The following RAB44 variants were observed in gnomAD, a reference collection of about 807,000 sequenced individuals.
RAB44 encodes ras-related protein Rab-44.
Under a neutral mutation model 93.3 loss-of-function variants are expected in RAB44, and 67 were observed. That is an observed-to-expected ratio of 0.72 (90% CI 0.59 to 0.88). The LOEUF is 0.88. RAB44 is among the 40% of genes least tolerant of loss of function. RAB44 has a pLI of 0.00. For missense variants in RAB44, 1,064 were observed against 1,261.7 expected (o/e 0.84, Z 2.37); for synonymous variants, 427 against 520.3 (o/e 0.82, Z 2.44).
chr6:36,705,999 A>G (rs1025232791), intron 2 of RAB44, among the ~76,000 whole-genome samples: 1 of 151,938 alleles, frequency 6.6e-6, no homozygotes, highest in Non-Finnish European at 1.5e-5. Context: ...TCCTGGGCTG[A>G]AGCGATTCTC....
Position 36,732,370 on chromosome 6 carries a change from A to T in RAB44, c.*277A>T. On this transcript the variant is annotated 3_prime_UTR_variant, in exon 14 of 14. Coordinates refer to ENST00000612677, the MANE Select transcript of RAB44 (RefSeq NM_001257357.2). ...TAGAAAAACGACTTAAGGAAAATAC[A>T]CCAAAATATTGGCCGCACATCTGTG... The T allele has an allele frequency of 4.9e-6, 1 of 205,738 alleles. No homozygotes were observed. 12.7% of individuals were successfully genotyped at this position (205,738 alleles called of 1,614,324 possible). A position where few individuals can be genotyped will look rare whatever the true frequency, so the allele number is the denominator to read the frequency against.
At chr6:36,705,638 CT>C (rs1762631490) in intron 2 of RAB44, among the ~76,000 whole-genome samples, 1 of 152,126 alleles carries the variant, frequency 6.6e-6, no homozygotes, top group South Asian at 2.1e-4. Context: ...CTGCCTCAGC[CT>C]CCCAAAGTGC....
At chr6:36,730,787 C>A (rs1464116630) in intron 13 of RAB44, 38 bp downstream of exon 13, 23 of 1,085,286 alleles carry the variant, frequency 2.1e-5, no homozygotes, top group South Asian at 9.5e-5. Context: ...CCACCCCCCC[C>A]CTTGCAGAAT....
At position 36,721,548 on chromosome 6, in the gene RAB44, C is replaced by T; in HGVS notation, c.1414C>T (p.Pro472Ser). The T allele has an allele frequency of 4.1e-6, 5 of 1,234,554 alleles. No individual in the cohort carries two copies. Among genetic ancestry groups the T allele is most frequent in the Non-Finnish European group, 5.1e-6 (5 of 988,324 alleles). The allele number at this position is 1,234,554 out of a possible 1,614,324, so 76.5% of individuals were successfully genotyped here. ...GCACGACCCGGACCCCAACCAGGAG[C>T]CAGGGTCCACACCCGAGGGCCGCCT... ...EPHDPDPNQEPGSTPEGRLLW... is the reference protein window; with the variant it reads ...EPHDPDPNQESGSTPEGRLLW... Residue 472 changes from proline to serine, a missense_variant, in exon 9 of 14, where the codon CCA becomes TCA. Coordinates refer to ENST00000612677, the MANE Select transcript of RAB44 (RefSeq NM_001257357.2).
intron 10 of RAB44, among the ~76,000 whole-genome samples, 183 bp downstream of exon 10, chr6:36,726,126 C>T (rs772797661): frequency 1.2e-4 from 19 of 152,282 alleles, no homozygotes; most frequent in Non-Finnish European, 2.2e-4. Context: ...CCAGAGGTCC[C>T]TCAGCCTGGC....
chr6:36,730,637 C>T, intron 12 of RAB44, 36 bp from the exon 13 acceptor site: 1 of 1,208,434 alleles, frequency 8.3e-7, no homozygotes, highest in Non-Finnish European at 1.0e-6. Flanking sequence ...GTTGTCTCTC[C>T]CAAGGCACAT....
chr6:36,726,442 A>C (rs922331098), intron 10 of RAB44, among the ~76,000 whole-genome samples: 1 of 152,112 alleles, frequency 6.6e-6, no homozygotes, highest in African/African-American at 2.4e-5. Context: ...ATGGGGTTTC[A>C]TCATATTGGC....
chr6:36,722,818 C>T (rs1009240749), intron 9 of RAB44, 85 bp downstream of exon 9: 8 of 1,489,138 alleles, frequency 5.4e-6, no homozygotes, highest in Non-Finnish European at 6.3e-6. Flanking sequence ...AGACCAAGCC[C>T]TCCCTGAGGA....
At chr6:36,723,483 G>C (rs990418648) in intron 9 of RAB44, among the ~76,000 whole-genome samples, 1 of 152,020 alleles carries the variant, frequency 6.6e-6, no homozygotes, top group South Asian at 2.1e-4. Flanking sequence ...AAAGCAGAGA[G>C]CCTTCCCTCC....
Position 36,721,357 on chromosome 6 carries a change from G to C in RAB44, c.1223G>C (p.Arg408Thr). ...GGCCCCCAGACACCCCGTGTGGTCAGGCAGATCTCCATCTCGGAGCCACAG... is the reference window on the plus strand; with the variant it reads ...GGCCCCCAGACACCCCGTGTGGTCACGCAGATCTCCATCTCGGAGCCACAG... The part of the protein sequence containing the change: ...TSGPQTPRVV[R>T]QISISEPQAF... Residue 408 changes from arginine (R) to threonine (T), a missense_variant, in exon 9 of 14, where the codon AGG (arginine) becomes ACG (threonine). Physicochemically the swap from Arg to Thr is moderately conservative, Grantham distance 71. Coordinates refer to ENST00000612677, the MANE Select transcript of RAB44 (RefSeq NM_001257357.2). 8.1e-7 allele frequency: 1 copy of C among 1,234,170 alleles called. No homozygotes were observed. Among genetic ancestry groups the C allele is most frequent in the Non-Finnish European group, 1.0e-6 (1 of 988,134 alleles). The allele number at this position is 1,234,170 out of a possible 1,614,324, so 76.5% of individuals were successfully genotyped here.
intron 12 of RAB44, 22 bp downstream of exon 12, chr6:36,728,823 C>A: frequency 6.5e-7 from 1 of 1,527,440 alleles, no homozygotes; most frequent in South Asian, 1.2e-5. Context: ...GGCATCAGCC[C>A]GTCTCTGTGC....
intron 1 of RAB44, among the ~76,000 whole-genome samples, chr6:36,701,879 C>T (rs1762517664): frequency 6.6e-6 from 1 of 152,168 alleles, no homozygotes; most frequent in Admixed American, 6.5e-5. Context: ...CTTGTCAAAC[C>T]ATGAGCCCTG....
chr6:36,709,580 G>A (rs890810716), intron 2 of RAB44, among the ~76,000 whole-genome samples: 30 of 152,154 alleles, frequency 2.0e-4, no homozygotes, highest in Admixed American at 1.0e-3. Context: ...TTTTGAGACA[G>A]GGTCTTGCTC....
chr6:36,727,104 T>G (rs1763255896), intron 10 of RAB44, among the ~76,000 whole-genome samples: 1 of 152,122 alleles, frequency 6.6e-6, no homozygotes, highest in Admixed American at 6.5e-5. Flanking sequence ...CCCAGCCCGA[T>G]AGGGAAATTT....
intron 2 of RAB44, among the ~76,000 whole-genome samples, chr6:36,704,930 G>A (rs1246706186): frequency 1.3e-5 from 2 of 151,964 alleles, no homozygotes; most frequent in Non-Finnish European, 2.9e-5. Context: ...GACCAGCCTG[G>A]CCAACATGGT....
rs565860026 is a variant in RAB44 at position 36,723,836 on chromosome 6, CAAAAA to C, written c.2599+1117_2599+1121del. Among the ~76,000 whole-genome samples, 8 of 64,640 alleles carry C rather than the reference CAAAAA, an allele frequency of 1.2e-4. 1 individual carries two copies. Among genetic ancestry groups the C allele is most frequent in the Non-Finnish European group, 2.1e-4 (7 of 33,212 alleles). The allele number at this position is 64,640 out of a possible 152,430, so 42.4% of individuals were successfully genotyped here. A position where few individuals can be genotyped will look rare whatever the true frequency, so the allele number is the denominator to read the frequency against. ...GGCGACAGAGCAAGATTCCGTCTCC[CAAAAA>C]AAAAAAAAAAAAAGCAAACCCGAGG... On this transcript the variant is annotated intron_variant, in intron 9 of 13. Transcript: ENST00000612677.
chr6:36,720,502 T>G lies in RAB44; in HGVS notation c.968T>G (p.Leu323Arg). 1 of 1,233,430 alleles carries G rather than the reference T, an allele frequency of 8.1e-7. No homozygotes were observed. The highest frequency in any genetic ancestry group is 1.0e-6 in the Non-Finnish European group (1 of 988,224). 76.4% of individuals were successfully genotyped at this position (1,233,430 alleles called of 1,614,324 possible). ...CAGCTGCAGGTGACCAGGGGGCGCC[T>G]GGACGCCGCCAGGGGCCGGGTGTCC... The part of the protein sequence containing the change: ...RGQLQVTRGR[L>R]DAARGRVSWQ... Residue 323 changes from leucine (L) to arginine (R), a missense_variant, in exon 8 of 14, where the codon CTG becomes CGG. Physicochemically the swap from Leu to Arg is moderately radical, Grantham distance 102. Coordinates refer to ENST00000612677, the MANE Select transcript of RAB44 (RefSeq NM_001257357.2).
At chr6:36,704,966 A>G (rs1311833875) in intron 2 of RAB44, among the ~76,000 whole-genome samples, 2 of 152,028 alleles carry the variant, frequency 1.3e-5, no homozygotes, top group Middle Eastern at 3.2e-3. Context: ...CTAAAAATAC[A>G]AAAATTAGCC....
At position 36,731,737 on chromosome 6, in the gene RAB44, G is replaced by C. The variant is rs1384875526; in HGVS notation, c.2976-266G>C. Reference sequence around the variant, plus strand: ...GCTGCAGTCACCCCTTTTCCTGTCTGTCTCTCTCACTACTCAAGGGAGGGA... The same window carrying C: ...GCTGCAGTCACCCCTTTTCCTGTCTCTCTCTCTCACTACTCAAGGGAGGGA... On this transcript the variant is annotated intron_variant, in intron 13 of 13. Transcript: ENST00000612677. The surrounding 1 kb of genome is among the most constrained non-coding windows in gnomAD (Gnocchi z 4.0). Among the ~76,000 whole-genome samples, 6 of 152,084 alleles carry C rather than the reference G, an allele frequency of 3.9e-5. No individual in the cohort carries two copies. Among genetic ancestry groups the C allele is most frequent in the Non-Finnish European group, 8.8e-5 (6 of 68,014 alleles).
Sources: allele counts gnomAD v4.1 joint callset (sites outside exome capture counted in the v4.1 genomes callset), GRCh38; gene constraint gnomAD v4.1.1; non-coding constraint Gnocchi (gnomAD v3.1); transcripts MANE v1.5; gene names NCBI Gene and HGNC (gene_info 2026-07-23, HGNC 2026-07-21).